Variants in DSCAML1 observed in about 807,000 individuals in gnomAD.
DSCAML1 encodes the protein DS cell adhesion molecule like 1, also known as cell adhesion molecule DSCAML1.
Under a neutral mutation model 200.5 loss-of-function variants are expected in DSCAML1, and 38 were observed. The observed-to-expected ratio is 0.19, with a 90% CI of 0.15 to 0.25. DSCAML1 has a LOEUF of 0.25. Ranked by LOEUF, DSCAML1 falls within the 10% of genes least tolerant of loss-of-function variation. DSCAML1 has a pLI of 1.00. For synonymous variants in DSCAML1, 1,215 were observed against 1,165.0 expected, an observed-to-expected ratio of 1.04 and a Z score of -0.87; for missense variants, 2,223 against 2,858.8, an observed-to-expected ratio of 0.78 and a Z score of 5.07.
At position 117,435,816 on chromosome 11, in the gene DSCAML1, A is replaced by G; in HGVS notation, c.4721-17T>C. 6.3e-7 allele frequency: 1 copy of G among 1,594,792 alleles called. No homozygotes were observed. Among genetic ancestry groups the G allele is most frequent in the Non-Finnish European group, 8.6e-7 (1 of 1,164,416 alleles). Reference sequence around the variant, plus strand: ...GAATGGTGCCTGAATGAGGGCAAAGAATAGAATTAGATGTCCCTTATGAGC... The same window carrying G: ...GAATGGTGCCTGAATGAGGGCAAAGGATAGAATTAGATGTCCCTTATGAGC... On this transcript the variant is annotated splice_polypyrimidine_tract_variant and intron_variant, in intron 26 of 32. Transcript: ENST00000651296.
At chr11:117,567,111 G>A (rs1448562214) in intron 3 of DSCAML1, among the ~76,000 whole-genome samples, 3 of 152,174 alleles carry the variant, frequency 2.0e-5, no homozygotes, top group African/African-American at 7.2e-5. Context: ...GGATGGCTGG[G>A]TCAAATGGTA....
chr11:117,439,223 A>C lies in DSCAML1; in HGVS notation c.4144+43T>G, dbSNP rs377591161. ...ATGATGGAATCCCTACCCTTTCTCC[A>C]TCCCTGTCCCCACCTGGGGTCACCT... On this transcript the variant is annotated intron_variant, in intron 23 of 32. Transcript: ENST00000651296. 4.4e-6 allele frequency: 7 copies of C among 1,606,614 alleles called. No individual in the cohort carries two copies. The African/African-American group carries it at 8.0e-5, about 18-fold the overall frequency.
chr11:117,507,963 A>C (rs181134090), intron 8 of DSCAML1, among the ~76,000 whole-genome samples: 1 of 152,220 alleles, frequency 6.6e-6, no homozygotes, highest in Admixed American at 6.5e-5. Flanking sequence ...CAATGGCTCA[A>C]TGCCCATTCC....
Position 117,647,078 on chromosome 11 carries a change from G to A in DSCAML1, c.512-114556C>T, listed in dbSNP as rs554608629. On this transcript the variant is annotated intron_variant, in intron 3 of 32. Transcript: ENST00000651296. ...CCAGAAAGATGACACAGCTTGTTAA[G>A]GACACAGGTGGGTTTATAACTCCCA... Among the ~76,000 whole-genome samples, 12 of 152,308 alleles carry A rather than the reference G, an allele frequency of 7.9e-5. No individual in the cohort carries two copies. The South Asian group carries it at 1.9e-3, about 24-fold the overall frequency.
Position 117,550,368 on chromosome 11 carries a change from T to G in DSCAML1, c.512-17846A>C, listed in dbSNP as rs146814402. On this transcript the variant is annotated intron_variant, in intron 3 of 32. Transcript: ENST00000651296. ...ACACATTTGGGATTCGAACCTAGATTGTGTGACTCCACATTCCTTCAGGAC... is the reference window on the plus strand; with the variant it reads ...ACACATTTGGGATTCGAACCTAGATGGTGTGACTCCACATTCCTTCAGGAC... Among the ~76,000 whole-genome samples, 319 of 152,298 alleles carry G rather than the reference T, an allele frequency of 2.1e-3. 2 individuals are homozygous for G. Among genetic ancestry groups the G allele is most frequent in the African/African-American group, 7.5e-3 (310 of 41,566 alleles).
intron 3 of DSCAML1, among the ~76,000 whole-genome samples, chr11:117,629,317 T>A (rs544182500): frequency 6.6e-6 from 1 of 152,056 alleles, no homozygotes; most frequent in Admixed American, 6.5e-5. Context: ...TGCTGAGACC[T>A]GAGTGTCCGC....
intron 1 of DSCAML1, 72 bp downstream of exon 1, chr11:117,796,962 C>T: frequency 1.7e-6 from 2 of 1,176,514 alleles, no homozygotes; most frequent in Non-Finnish European, 1.1e-6. Context: ...CCGCCGGGCA[C>T]CCCGCCTCGC....
At chr11:117,462,761 G>A (rs2048505378) in intron 17 of DSCAML1, among the ~76,000 whole-genome samples, 1 of 152,226 alleles carries the variant, frequency 6.6e-6, no homozygotes, top group Non-Finnish European at 1.5e-5. Context: ...GCTAAAGCAG[G>A]GGCCCTTGAA....
chr11:117,685,012 C>T (rs12361479), intron 3 of DSCAML1, among the ~76,000 whole-genome samples: 6,974 of 152,310 alleles, frequency 0.046, 237 homozygotes, highest in Non-Finnish European at 0.058. Flanking sequence ...CTGTTGAGGC[C>T]CCTGTCCCAG....
intron 3 of DSCAML1, among the ~76,000 whole-genome samples, chr11:117,536,259 C>T (rs950328238): frequency 6.6e-6 from 1 of 152,184 alleles, no homozygotes; most frequent in African/African-American, 2.4e-5. Flanking sequence ...TGGAGTGAGC[C>T]TCATACAGTG....
intron 3 of DSCAML1, among the ~76,000 whole-genome samples, chr11:117,684,559 G>T (rs1395872561): frequency 6.6e-6 from 1 of 151,288 alleles, no homozygotes; most frequent in African/African-American, 2.4e-5. Context: ...AAAGAGCAGA[G>T]AGAGAGAGAG....
intron 3 of DSCAML1, among the ~76,000 whole-genome samples, chr11:117,767,502 C>T (rs1158357624): frequency 1.3e-5 from 2 of 152,176 alleles, no homozygotes; most frequent in South Asian, 2.1e-4. Context: ...TAACCTGCAA[C>T]GTACGCTTAA....
At chr11:117,486,385 G>A (rs970321015) in intron 11 of DSCAML1, among the ~76,000 whole-genome samples, 6 of 151,236 alleles carry the variant, frequency 4.0e-5, no homozygotes, top group Middle Eastern at 3.4e-3. Context: ...TGAAAATGGC[G>A]GATGTGAAAG....
intron 1 of DSCAML1, among the ~76,000 whole-genome samples, chr11:117,812,134 C>T (rs936662477): frequency 2.0e-5 from 3 of 152,030 alleles, no homozygotes; most frequent in African/African-American, 7.2e-5. Flanking sequence ...GCCTCCTTTG[C>T]GTCCTCCTCT....
intron 3 of DSCAML1, among the ~76,000 whole-genome samples, chr11:117,769,927 C>T (rs2055007018): frequency 6.6e-6 from 1 of 152,070 alleles, no homozygotes. Flanking sequence ...AGTTAAATGG[C>T]CCAGTGACCT....
chr11:117,702,584 A>C (rs1002416720), intron 3 of DSCAML1, among the ~76,000 whole-genome samples: 2 of 152,122 alleles, frequency 1.3e-5, no homozygotes, highest in Non-Finnish European at 2.9e-5. Flanking sequence ...TTGCTCCCTG[A>C]AAATGAGGAC....
At chr11:117,791,560 T>C (rs972545317) in intron 1 of DSCAML1, among the ~76,000 whole-genome samples, 3 of 152,196 alleles carry the variant, frequency 2.0e-5, no homozygotes, top group African/African-American at 7.2e-5. Flanking sequence ...TCAGCCCTCT[T>C]CATTTCCACT....
At chr11:117,552,087 G>T (rs2050477656) in intron 3 of DSCAML1, among the ~76,000 whole-genome samples, 1 of 152,108 alleles carries the variant, frequency 6.6e-6, no homozygotes, top group East Asian at 1.9e-4. Flanking sequence ...GAGAGGCGAG[G>T]AGCTGCGGTA....
intron 3 of DSCAML1, among the ~76,000 whole-genome samples, chr11:117,548,252 G>T (rs979391084): frequency 6.6e-5 from 10 of 152,224 alleles, no homozygotes; most frequent in African/African-American, 2.4e-4. Context: ...TGGGCTAAGG[G>T]TTTTCTTCTT....
Sources: allele counts gnomAD v4.1 joint callset (sites outside exome capture counted in the v4.1 genomes callset), GRCh38; gene constraint gnomAD v4.1.1; transcripts MANE v1.5; gene names NCBI Gene and HGNC (gene_info 2026-07-23, HGNC 2026-07-21).